TMEM163: variants seen among roughly 807,000 people sequenced by gnomAD.
TMEM163 encodes transmembrane protein 163.
Under a neutral mutation model 29.3 loss-of-function variants are expected in TMEM163, and 17 were observed. The observed-to-expected ratio is 0.58, with a 90% CI of 0.40 to 0.87. The LOEUF (loss-of-function observed/expected upper bound fraction) is 0.87, where lower values mean the gene tolerates loss of function less well. TMEM163 is among the 40% of genes least tolerant of loss of function. The pLI is 0.00. For missense variants in TMEM163, 303 were observed against 381.5 expected, an observed-to-expected ratio of 0.79 and a Z score of 1.71; for synonymous variants, 157 against 160.6, an observed-to-expected ratio of 0.98 and a Z score of 0.17.
intron 5 of TMEM163, among the ~76,000 whole-genome samples, chr2:134,485,373 A>G (rs937859359): frequency 1.3e-5 from 2 of 152,216 alleles, no homozygotes; most frequent in Non-Finnish European, 1.5e-5. Context: ...AATGTATATC[A>G]CTTCCACATC....
chr2:134,569,907 T>G (rs1227471718), intron 2 of TMEM163, among the ~76,000 whole-genome samples: 1 of 152,308 alleles, frequency 6.6e-6, no homozygotes, highest in Non-Finnish European at 1.5e-5. Flanking sequence ...CACTCCATTA[T>G]TCCCTAGACA....
At chr2:134,529,462 T>C (rs1236259602) in intron 4 of TMEM163, among the ~76,000 whole-genome samples, 4 of 152,000 alleles carry the variant, frequency 2.6e-5, no homozygotes, top group African/African-American at 9.7e-5. Context: ...AATTGTCCAG[T>C]TTTTGGTCAG....
intron 4 of TMEM163, among the ~76,000 whole-genome samples, chr2:134,506,127 G>T (rs550585589): frequency 6.6e-6 from 1 of 152,234 alleles, no homozygotes; most frequent in Admixed American, 6.5e-5. Flanking sequence ...TTTGTGATTT[G>T]GTTTATTAAA....
chr2:134,666,268 C>G (rs1683872252), intron 2 of TMEM163, among the ~76,000 whole-genome samples: 1 of 149,784 alleles, frequency 6.7e-6, no homozygotes, highest in African/African-American at 2.5e-5. Flanking sequence ...CCTCCCCCAA[C>G]CCCCAAATTG....
chr2:134,530,664 A>G (rs1315652535), intron 4 of TMEM163, among the ~76,000 whole-genome samples: 4 of 152,224 alleles, frequency 2.6e-5, no homozygotes, highest in African/African-American at 9.7e-5. Flanking sequence ...CTATAGAAGA[A>G]AAAACAAACA....
chr2:134,496,567 C>T (rs1466073126), intron 5 of TMEM163, among the ~76,000 whole-genome samples: 2 of 152,122 alleles, frequency 1.3e-5, no homozygotes, highest in Non-Finnish European at 2.9e-5. Context: ...AGCCACAATC[C>T]ATGGGGACTG....
intron 2 of TMEM163, among the ~76,000 whole-genome samples, chr2:134,588,548 T>G (rs1429872959): frequency 6.6e-6 from 1 of 152,078 alleles, no homozygotes; most frequent in Non-Finnish European, 1.5e-5. Flanking sequence ...GCATGTGCCA[T>G]TAACCAAGGC....
At chr2:134,475,804 C>A (rs1686899879) in intron 5 of TMEM163, among the ~76,000 whole-genome samples, 1 of 152,154 alleles carries the variant, frequency 6.6e-6, no homozygotes, top group Non-Finnish European at 1.5e-5. Context: ...TCATTAGAAT[C>A]ACCAAAATTA....
chr2:134,456,847 A>ATTT, intron 7 of TMEM163, 71 bp from the exon 8 acceptor site: 1 of 1,360,490 alleles, frequency 7.4e-7, no homozygotes, highest in South Asian at 1.4e-5. Context: ...GCGTATTTTC[A>ATTT]TTTTTTTTTT....
intron 2 of TMEM163, among the ~76,000 whole-genome samples, chr2:134,647,917 C>A (rs1020767861): frequency 6.6e-6 from 1 of 152,178 alleles, no homozygotes; most frequent in African/African-American, 2.4e-5. Context: ...TAGGAGGGTG[C>A]CCACGACCCC....
intron 2 of TMEM163, among the ~76,000 whole-genome samples, chr2:134,709,368 A>G (rs1339799885): frequency 1.3e-5 from 2 of 152,240 alleles, no homozygotes; most frequent in African/African-American, 4.8e-5. Context: ...AAAATAGTTC[A>G]CATTAAAAAA....
chr2:134,573,705 A>G (rs111788183), intron 2 of TMEM163, among the ~76,000 whole-genome samples: 20 of 152,358 alleles, frequency 1.3e-4, no homozygotes, highest in African/African-American at 4.3e-4. Context: ...AAAAATGAGA[A>G]AACAGAACTA....
At position 134,651,903 on chromosome 2, in the gene TMEM163, T is replaced by G. The variant is rs1279089918; in HGVS notation, c.322+61297A>C. Among the ~76,000 whole-genome samples, 534 of 108,300 alleles carry G rather than the reference T, an allele frequency of 4.9e-3. 50 individuals are homozygous for G. Among genetic ancestry groups the G allele is most frequent in the African/African-American group, 0.024 (514 of 21,058 alleles). The allele number at this position is 108,300 out of a possible 152,430, so 71.0% of individuals were successfully genotyped here. A position where few individuals can be genotyped will look rare whatever the true frequency, so the allele number is the denominator to read the frequency against. ...GGCTCTGTTCTGTTCCATTGATCTA[T>G]ATCTCTGTTTTGGTACCAGTACCAT... On this transcript the variant is annotated intron_variant, in intron 2 of 7. Coordinates refer to ENST00000281924, the MANE Select transcript of TMEM163 (RefSeq NM_030923.5).
At position 134,481,677 on chromosome 2, in the gene TMEM163, T is replaced by C. The variant is rs545109521; in HGVS notation, c.556-15452A>G. ...AGTTCCCAATGGAGTTGGGCCGTTG[T>C]TGATGCAAGGACAGGGGAAGGAATA... is the stretch of plus-strand genomic sequence containing the variant. On this transcript the variant is annotated intron_variant, in intron 5 of 7. Transcript: ENST00000281924. Among the ~76,000 whole-genome samples, 10 of 152,322 alleles carry C rather than the reference T, an allele frequency of 6.6e-5. No homozygotes were observed. In the East Asian group the frequency reaches 1.9e-3, roughly 29 times the overall value.
intron 2 of TMEM163, among the ~76,000 whole-genome samples, chr2:134,603,600 T>TGAG (rs1682283636): frequency 6.6e-6 from 1 of 152,080 alleles, no homozygotes; most frequent in African/African-American, 2.4e-5. Flanking sequence ...TGGCGGCTCC[T>TGAG]CAAGACCCAC....
At chr2:134,559,628 G>C (rs1210420327) in intron 2 of TMEM163, among the ~76,000 whole-genome samples, 1 of 152,108 alleles carries the variant, frequency 6.6e-6, no homozygotes, top group Non-Finnish European at 1.5e-5. Context: ...CAAGACCTCA[G>C]GGATGATCAT....
chr2:134,710,539 A>G (rs1421696618), intron 2 of TMEM163, among the ~76,000 whole-genome samples: 1 of 152,130 alleles, frequency 6.6e-6, no homozygotes, highest in East Asian at 1.9e-4. Context: ...ACTGCCCCCC[A>G]AAATTGTAAT....
chr2:134,533,965 C>T (rs1447968641), intron 4 of TMEM163, among the ~76,000 whole-genome samples: 1 of 152,142 alleles, frequency 6.6e-6, no homozygotes, highest in Non-Finnish European at 1.5e-5. Flanking sequence ...CCTTCCTTGG[C>T]CCCCAACTTC....
chr2:134,582,450 T>C (rs1681717829), intron 2 of TMEM163, among the ~76,000 whole-genome samples: 1 of 152,216 alleles, frequency 6.6e-6, no homozygotes, highest in Non-Finnish European at 1.5e-5. Flanking sequence ...CTTTGGACTG[T>C]TCCTGCATGT....
Sources: allele counts gnomAD v4.1 joint callset (sites outside exome capture counted in the v4.1 genomes callset), GRCh38; gene constraint gnomAD v4.1.1; transcripts MANE v1.5; gene names NCBI Gene and HGNC (gene_info 2026-07-23, HGNC 2026-07-21).